The following COBL variants were observed in gnomAD, a reference collection of about 807,000 sequenced individuals.
The protein encoded by COBL is protein cordon-bleu.
In COBL, 51 loss-of-function variants were observed where a neutral mutation model predicts 98.8. That is an observed-to-expected ratio of 0.52 (90% CI 0.41 to 0.65). The LOEUF is 0.65. COBL is among the 30% of genes least tolerant of loss of function. COBL has a pLI of 0.00. For missense variants in COBL, 1,617 were observed against 1,617.5 expected, an observed-to-expected ratio of 1.00 and a Z score of 0.01; for synonymous variants, 634 against 651.7, an observed-to-expected ratio of 0.97 and a Z score of 0.41.
chr7:51,152,974 C>T (rs1285299612), intron 5 of COBL, among the ~76,000 whole-genome samples: 1 of 152,182 alleles, frequency 6.6e-6, no homozygotes, highest in Non-Finnish European at 1.5e-5. Flanking sequence ...AACCACAATC[C>T]TTTGTTATGA....
chr7:51,198,537 T>C (rs772165503), intron 2 of COBL, among the ~76,000 whole-genome samples: 26 of 152,210 alleles, frequency 1.7e-4, no homozygotes, highest in Non-Finnish European at 3.4e-4. Context: ...CATTTATTTC[T>C]TTTACATTTT....
At chr7:51,154,807 A>G (rs1312654169) in intron 5 of COBL, among the ~76,000 whole-genome samples, 1 of 152,250 alleles carries the variant, frequency 6.6e-6, no homozygotes, top group Non-Finnish European at 1.5e-5. Flanking sequence ...CATCTGCTTC[A>G]GCATTCACCA....
chr7:51,181,364 A>C (rs927087973), intron 5 of COBL, among the ~76,000 whole-genome samples: 1 of 152,236 alleles, frequency 6.6e-6, no homozygotes, highest in Non-Finnish European at 1.5e-5. Flanking sequence ...TCTTAAAGCC[A>C]ATTGCTACTT....
At chr7:51,093,781 C>A (rs1241556053) in intron 6 of COBL, among the ~76,000 whole-genome samples, 1 of 151,974 alleles carries the variant, frequency 6.6e-6, no homozygotes, top group East Asian at 1.9e-4. Context: ...GTAATTTCAG[C>A]TACTCAGGAG....
rs998231168 is a variant in COBL, at chr7:51,165,974, G to A, written c.783+18128C>T. 3.3e-5 allele frequency among the ~76,000 whole-genome samples: 5 copies of A among 151,958 alleles called. No individual in the cohort carries two copies. In the South Asian group the frequency reaches 1.0e-3, roughly 31 times the overall value. On this transcript the variant is annotated intron_variant, in intron 5 of 12. Transcript: ENST00000265136. ...TGGGATACAGCAAAAGGAGTACTAA[G>A]AGGGAAGTTTATAGTCATATATGCC...
chr7:51,286,418 CA>C (rs1029295052), intron 1 of COBL, among the ~76,000 whole-genome samples: 11 of 135,934 alleles, frequency 8.1e-5, no homozygotes, highest in African/African-American at 1.4e-4. Flanking sequence ...AAAAAAAAAG[CA>C]AAAAAAAATC....
At chr7:51,143,228 C>G in intron 5 of COBL, among the ~76,000 whole-genome samples, 1 of 152,080 alleles carries the variant, frequency 6.6e-6, no homozygotes, top group East Asian at 1.9e-4. Flanking sequence ...GTCTGTGTGA[C>G]TGCTTGCGGT....
chr7:51,287,222 T>C (rs1400032325), intron 1 of COBL, among the ~76,000 whole-genome samples: 4 of 152,138 alleles, frequency 2.6e-5, no homozygotes, highest in Admixed American at 6.5e-5. Flanking sequence ...AAACTGCATA[T>C]GAACCCTCTT....
chr7:51,234,342 G>T (rs1057432440), intron 1 of COBL, among the ~76,000 whole-genome samples: 2 of 152,210 alleles, frequency 1.3e-5, no homozygotes, highest in Non-Finnish European at 2.9e-5. Context: ...CTCAGGCACA[G>T]CCCTGCCCGG....
intron 1 of COBL, among the ~76,000 whole-genome samples, chr7:51,301,379 G>C (rs1801951713): frequency 1.3e-5 from 2 of 152,316 alleles, no homozygotes; most frequent in South Asian, 4.1e-4. Context: ...TCTCCACTCT[G>C]TGACGGGGAA....
At chr7:51,072,050 A>G (rs955453213) in intron 7 of COBL, 2 of 152,122 alleles carry the variant, frequency 1.3e-5, no homozygotes, top group African/African-American at 2.4e-5. Flanking sequence ...ATTAATACCA[A>G]TGTAAGTTGT....
chr7:51,137,587 TAA>T (rs35391666), intron 5 of COBL, among the ~76,000 whole-genome samples: 3 of 145,586 alleles, frequency 2.1e-5, no homozygotes, highest in African/African-American at 2.6e-5. Context: ...CCCACTTCTT[TAA>T]AAAAAAAAAA....
chr7:51,022,009 C>T (rs1026823066), intron 12 of COBL, among the ~76,000 whole-genome samples: 16 of 152,116 alleles, frequency 1.1e-4, no homozygotes, highest in African/African-American at 3.4e-4. Flanking sequence ...GAGGGCAGGT[C>T]GATCACCCAA....
chr7:51,247,072 C>T (rs1046164273), intron 1 of COBL, among the ~76,000 whole-genome samples: 2 of 152,200 alleles, frequency 1.3e-5, no homozygotes, highest in Non-Finnish European at 1.5e-5. Context: ...CTGTGGTCAT[C>T]GCGGAATCTT....
intron 1 of COBL, among the ~76,000 whole-genome samples, chr7:51,310,795 A>G (rs1802955098): frequency 6.6e-6 from 1 of 152,136 alleles, no homozygotes; most frequent in Non-Finnish European, 1.5e-5. Flanking sequence ...AGTAGCTGGG[A>G]CTACAGGCAT....
chr7:51,045,197 TTCTG>T (rs374993307), intron 7 of COBL, among the ~76,000 whole-genome samples: 344 of 152,322 alleles, frequency 2.3e-3, no homozygotes, highest in African/African-American at 6.6e-3. Context: ...AGCACGTTTT[TTCTG>T]TCTATGTTGT....
At position 51,193,568 on chromosome 7, in the gene COBL, C is replaced by T; in HGVS notation, c.267G>A (p.Leu89=). 1 of 1,614,138 alleles carries T rather than the reference C, an allele frequency of 6.2e-7. No homozygotes were observed. The highest frequency in any genetic ancestry group is 8.5e-7 in the Non-Finnish European group (1 of 1,180,028). The change falls in exon 3 of 13, where the codon CTG becomes CTA. Residue 89 remains leucine, a synonymous_variant. Transcript: ENST00000265136. ...GGTGGTTCTGAAGGCAAAGTTCAAC[C>T]AGTAGGTCCATCATCGCATGGCTGA... ...LNGSHAMMDL[L]VELCLQNHLN...
intron 1 of COBL, among the ~76,000 whole-genome samples, chr7:51,241,140 G>A (rs1374056986): frequency 1.3e-5 from 2 of 152,190 alleles, no homozygotes; most frequent in East Asian, 1.9e-4. Context: ...CCTTGGTCCT[G>A]CACCATCTGT....
rs141670842 is a variant in COBL, at chr7:51,029,213, G to A, written c.1883C>T (p.Ala628Val). ...CGAAGCAAAAGAAGTCACCCTGGGCGCCGTTTCCATTAGATTCCCATCTTT... is the reference window on the plus strand; with the variant it reads ...CGAAGCAAAAGAAGTCACCCTGGGCACCGTTTCCATTAGATTCCCATCTTT... ...ISKDGNLMET[A>V]PRVTSFASNL... Residue 628 changes from alanine to valine, a missense_variant, in exon 10 of 13, where the codon GCG becomes GTG. By Grantham distance (64) the Ala-to-Val change is moderately conservative (BLOSUM62 0). Transcript: ENST00000265136. 110 of 1,614,026 alleles carry A rather than the reference G, an allele frequency of 6.8e-5. No individual in the cohort carries two copies. In the African/African-American group the frequency reaches 9.7e-4, roughly 14 times the overall value.
Sources: gnomAD v4.1 joint callset for allele counts (sites outside exome capture counted in the v4.1 genomes callset) on GRCh38, gnomAD v4.1.1 for gene constraint, MANE v1.5 for transcripts, NCBI Gene and HGNC (gene_info 2026-07-23, HGNC 2026-07-21) for gene names.